CPA6: variants seen among roughly 807,000 people sequenced by gnomAD.
CPA6 encodes carboxypeptidase B.
In CPA6, 58 loss-of-function variants were observed where a neutral mutation model predicts 63.3. The observed-to-expected ratio is 0.92, with a 90% CI of 0.74 to 1.14. The LOEUF (loss-of-function observed/expected upper bound fraction) is 1.14. Among genes scored for constraint, CPA6 ranks in the 50% most tolerant of loss-of-function variants. The probability of loss-of-function intolerance (pLI) is 0.00; values close to 1 mark genes in which losing one functional copy is unlikely to be tolerated. For synonymous variants in CPA6, 185 were observed against 179.0 expected (o/e 1.03, Z -0.27); for missense variants, 565 against 526.6 (o/e 1.07, Z -0.71).
At chr8:67,684,826 A>C (rs77937279) in intron 1 of CPA6, among the ~76,000 whole-genome samples, 39 of 152,244 alleles carry the variant, frequency 2.6e-4, no homozygotes, top group South Asian at 1.7e-3. Context: ...CAGTCTTCTT[A>C]TTCTCTATCA....
chr8:67,552,559 A>G lies in CPA6; in HGVS notation c.193-34512T>C, dbSNP rs190095846. 3.1e-4 allele frequency among the ~76,000 whole-genome samples: 47 copies of G among 152,030 alleles called. No homozygotes were observed. In the East Asian group the frequency reaches 3.5e-3, roughly 11 times the overall value. On this transcript the variant is annotated intron_variant, in intron 2 of 10. Transcript: ENST00000297770. The stretch of plus-strand genomic sequence containing the variant: ...GAGGCCAAGGCGGGCGGATCACAAG[A>G]TCAGGAGATCAAGACCATCCTGGCT...
chr8:67,443,140 G>A (rs1368929751), intron 8 of CPA6, among the ~76,000 whole-genome samples: 1 of 151,358 alleles, frequency 6.6e-6, no homozygotes, highest in Non-Finnish European at 1.5e-5. Flanking sequence ...TTGGCTCACT[G>A]CAACCTCCAC....
rs117092809 is a variant in CPA6, at chr8:67,470,497, A to T, written c.838+13271T>A. The stretch of plus-strand genomic sequence containing the variant: ...TATTTTAATATTATTTTTGATTATG[A>T]GGAGGCTGCTCATTCTCTCATGTTT... On this transcript the variant is annotated intron_variant, in intron 8 of 10. Transcript: ENST00000297770. Among the ~76,000 whole-genome samples, 1,374 of 152,242 alleles carry T rather than the reference A, an allele frequency of 9.0e-3. 54 individuals are homozygous for T. Among genetic ancestry groups the T allele is most frequent in the South Asian group, 0.029 (138 of 4,828 alleles).
chr8:67,498,113 C>T (rs115971713), intron 6 of CPA6, among the ~76,000 whole-genome samples: 4,622 of 152,218 alleles, frequency 0.03, 228 homozygotes, highest in African/African-American at 0.1. Flanking sequence ...TATCTGTTCA[C>T]GTTTGCAGAA....
At chr8:67,631,486 C>G (rs766693104) in intron 1 of CPA6, among the ~76,000 whole-genome samples, 1 of 152,084 alleles carries the variant, frequency 6.6e-6, no homozygotes, top group Non-Finnish European at 1.5e-5. Flanking sequence ...GGAGAACTTT[C>G]GTGTCTAGCT....
intron 2 of CPA6, among the ~76,000 whole-genome samples, chr8:67,583,077 G>A (rs191611919): frequency 9.2e-5 from 14 of 152,124 alleles, no homozygotes; most frequent in Admixed American, 7.9e-4. Flanking sequence ...GTTGATGCTG[G>A]TTTGGTGAAT....
intron 8 of CPA6, among the ~76,000 whole-genome samples, chr8:67,478,472 C>T (rs1479665156): frequency 6.6e-6 from 1 of 152,116 alleles, no homozygotes; most frequent in Non-Finnish European, 1.5e-5. Flanking sequence ...TTGTAACTGA[C>T]ATTTGAGGTT....
At chr8:67,638,529 G>A (rs1815520991) in intron 1 of CPA6, among the ~76,000 whole-genome samples, 1 of 151,516 alleles carries the variant, frequency 6.6e-6, no homozygotes, top group East Asian at 1.9e-4. Flanking sequence ...AGTCACCCCT[G>A]CAGAACAGAG....
At position 67,518,055 on chromosome 8, in the gene CPA6, G is replaced by T. The variant is rs748990934; in HGVS notation, c.193-8C>A. On this transcript the variant is annotated splice_region_variant and splice_polypyrimidine_tract_variant and intron_variant, in intron 2 of 10. Transcript: ENST00000297770. ...GGGCTGCCACAGGTCCACCTGTAGT[G>T]CAGGAACCAACCTATAATTCATATC... 6.3e-7 allele frequency: 1 copy of T among 1,576,618 alleles called. No individual in the cohort carries two copies. Among genetic ancestry groups the T allele is most frequent in the Non-Finnish European group, 8.6e-7 (1 of 1,164,362 alleles).
chr8:67,593,914 G>A (rs887471244), intron 2 of CPA6, among the ~76,000 whole-genome samples: 10 of 148,942 alleles, frequency 6.7e-5, no homozygotes, highest in African/African-American at 2.5e-4. Context: ...GTGTGAATTT[G>A]ATCCTGTCAT....
chr8:67,640,445 A>C (rs991787189), intron 1 of CPA6, among the ~76,000 whole-genome samples: 2 of 151,132 alleles, frequency 1.3e-5, no homozygotes, highest in Non-Finnish European at 2.9e-5. Context: ...TCTGGGTTTC[A>C]AAATTGCCTG....
At chr8:67,607,263 C>CTT (rs2128984469) in intron 2 of CPA6, among the ~76,000 whole-genome samples, 1 of 140,540 alleles carries the variant, frequency 7.1e-6, no homozygotes, top group East Asian at 2.1e-4. Flanking sequence ...TCCTCCTCCT[C>CTT]CTTTCTTCTT....
chr8:67,479,068 C>G (rs1180303546), intron 8 of CPA6, among the ~76,000 whole-genome samples: 1 of 152,100 alleles, frequency 6.6e-6, no homozygotes, highest in South Asian at 2.1e-4. Context: ...ATATAGCACC[C>G]TAGCATGCTA....
chr8:67,441,563 A>T (rs1186053790), intron 8 of CPA6, among the ~76,000 whole-genome samples: 1 of 152,214 alleles, frequency 6.6e-6, no homozygotes, highest in Non-Finnish European at 1.5e-5. Context: ...AGAAGGGCTT[A>T]TCCTACCAGG....
chr8:67,543,890 C>T (rs1306425775), intron 2 of CPA6, among the ~76,000 whole-genome samples: 1 of 151,890 alleles, frequency 6.6e-6, no homozygotes, highest in Non-Finnish European at 1.5e-5. Flanking sequence ...CTCAAGTGAT[C>T]CTCCTGACTC....
intron 8 of CPA6, among the ~76,000 whole-genome samples, chr8:67,439,934 T>A (rs1810251857): frequency 6.6e-6 from 1 of 152,168 alleles, no homozygotes. Flanking sequence ...CCTGATGTTT[T>A]CATATAGAAA....
At chr8:67,432,486 G>C (rs963072561) in intron 9 of CPA6, among the ~76,000 whole-genome samples, 2 of 151,988 alleles carry the variant, frequency 1.3e-5, no homozygotes, top group African/African-American at 4.8e-5. Flanking sequence ...TTAAGACAGG[G>C]TCTCACTCTG....
chr8:67,422,728 C>A (rs1809795497), intron 10 of CPA6, 37 bp from the exon 11 acceptor site: 1 of 1,508,938 alleles, frequency 6.6e-7, no homozygotes, highest in Non-Finnish European at 9.0e-7. Flanking sequence ...ATCAGCCTCA[C>A]TAAAGAGTCA....
chr8:67,538,050 C>G (rs1008633760), intron 2 of CPA6, among the ~76,000 whole-genome samples: 7 of 152,098 alleles, frequency 4.6e-5, no homozygotes, highest in African/African-American at 1.7e-4. Context: ...GTCTGAGAGA[C>G]TGTTTGTTAT....
Sources: allele counts gnomAD v4.1 joint callset (sites outside exome capture counted in the v4.1 genomes callset), GRCh38; gene constraint gnomAD v4.1.1; transcripts MANE v1.5; gene names NCBI Gene and HGNC (gene_info 2026-07-23, HGNC 2026-07-21).